Variants in HPSE2 observed in about 807,000 individuals in gnomAD.
HPSE2 encodes the protein inactive heparanase-2.
Under a neutral mutation model 60.5 loss-of-function variants are expected in HPSE2, and 38 were observed. That is an observed-to-expected ratio of 0.63 (90% CI 0.48 to 0.82). HPSE2 has a LOEUF of 0.82. HPSE2 is among the 40% of genes least tolerant of loss of function. The probability of loss-of-function intolerance (pLI) is 0.00; values close to 1 mark genes in which losing one functional copy is unlikely to be tolerated. For synonymous variants in HPSE2, 295 were observed against 293.2 expected, an observed-to-expected ratio of 1.01 and a Z score of -0.06; for missense variants, 713 against 740.4, an observed-to-expected ratio of 0.96 and a Z score of 0.43.
chr10:98,817,131 C>T (rs371360014), intron 3 of HPSE2, among the ~76,000 whole-genome samples: 2 of 152,146 alleles, frequency 1.3e-5, no homozygotes, highest in East Asian at 3.9e-4. Flanking sequence ...TTTGTGCCCA[C>T]AAAGGCTTTT....
At chr10:99,208,932 GATTA>G (rs1402234455) in intron 2 of HPSE2, among the ~76,000 whole-genome samples, 1 of 152,108 alleles carries the variant, frequency 6.6e-6, no homozygotes, top group Non-Finnish European at 1.5e-5. Flanking sequence ...ATGATAAAGG[GATTA>G]ATTAATGAAC....
chr10:98,931,277 G>A lies in HPSE2; in HGVS notation c.611-187221C>T, dbSNP rs139918288. Among the ~76,000 whole-genome samples the A allele has an allele frequency of 9.4e-4, 135 of 143,894 alleles. 17 individuals carry two copies. The highest frequency in any genetic ancestry group is 3.6e-3 in the Middle Eastern group (1 of 278). The allele number at this position is 143,894 out of a possible 152,430, so 94.4% of individuals were successfully genotyped here. ...CAGGTCTGTCAAAGATCAGATAGCTGTAGATGGGCAGTTTTATTTCTAAGT... is the reference window on the plus strand; with the variant it reads ...CAGGTCTGTCAAAGATCAGATAGCTATAGATGGGCAGTTTTATTTCTAAGT... On this transcript the variant is annotated intron_variant, in intron 3 of 11. Coordinates refer to ENST00000370552, the MANE Select transcript of HPSE2 (RefSeq NM_021828.5).
chr10:99,153,968 G>C (rs1440336612), intron 2 of HPSE2, among the ~76,000 whole-genome samples: 1 of 152,146 alleles, frequency 6.6e-6, no homozygotes, highest in Non-Finnish European at 1.5e-5. Context: ...GAAGCCTCAG[G>C]AGCTGATGCG....
intron 9 of HPSE2, among the ~76,000 whole-genome samples, chr10:98,593,340 C>G (rs1314786165): frequency 6.6e-6 from 1 of 152,012 alleles, no homozygotes; most frequent in Non-Finnish European, 1.5e-5. Context: ...CTGGGACTGG[C>G]TCATTGGAAT....
chr10:98,723,512 T>C (rs1468998970), intron 4 of HPSE2, among the ~76,000 whole-genome samples: 2 of 152,182 alleles, frequency 1.3e-5, no homozygotes, highest in African/African-American at 4.8e-5. Flanking sequence ...TCTTTTTCTA[T>C]TGATTGGAAT....
chr10:99,278,108 A>C, the HPSE2 span, among the ~76,000 whole-genome samples: 1 of 129,920 alleles, frequency 7.7e-6, no homozygotes, highest in African/African-American at 2.9e-5. Flanking sequence ...AAAAAAAAAA[A>C]AACTGATATG....
At chr10:99,170,470 T>C (rs1589767794) in intron 2 of HPSE2, among the ~76,000 whole-genome samples, 1 of 152,146 alleles carries the variant, frequency 6.6e-6, no homozygotes, top group South Asian at 2.1e-4. Flanking sequence ...TACAATTGGG[T>C]TGGAGGCTGA....
chr10:98,511,299 T>A (rs533790471), intron 9 of HPSE2, among the ~76,000 whole-genome samples: 1 of 152,052 alleles, frequency 6.6e-6, no homozygotes, highest in Admixed American at 6.6e-5. Flanking sequence ...TACAGACACA[T>A]GCCACCACGT....
intron 3 of HPSE2, among the ~76,000 whole-genome samples, chr10:99,018,032 T>G (rs1350937007): frequency 6.6e-6 from 1 of 152,212 alleles, no homozygotes; most frequent in Non-Finnish European, 1.5e-5. Flanking sequence ...AGAGCTTCCC[T>G]GTCTCTGAAT....
chr10:99,305,961 A>ATACGCGCG, the HPSE2 span, among the ~76,000 whole-genome samples: 48 of 103,048 alleles, frequency 4.7e-4, 4 homozygotes, highest in African/African-American at 7.0e-4. Flanking sequence ...ACTCACACAC[A>ATACGCGCG]CGCGCGCGCG....
intron 3 of HPSE2, among the ~76,000 whole-genome samples, chr10:98,890,833 A>G (rs182204903): frequency 2.0e-5 from 3 of 152,312 alleles, no homozygotes; most frequent in East Asian, 3.9e-4. Flanking sequence ...TGACATGGCT[A>G]TTTTAGTGAC....
intron 5 of HPSE2, among the ~76,000 whole-genome samples, chr10:98,697,429 G>A (rs1484990985): frequency 1.3e-5 from 2 of 152,122 alleles, no homozygotes; most frequent in East Asian, 3.8e-4. Flanking sequence ...CCATCTTGCT[G>A]AAATAAGGCA....
chr10:99,186,949 GT>G (rs1032565960), intron 2 of HPSE2, among the ~76,000 whole-genome samples: 13 of 151,864 alleles, frequency 8.6e-5, no homozygotes, highest in African/African-American at 3.1e-4. Context: ...TGCCCAGCTA[GT>G]TTTTTGTATT....
intron 3 of HPSE2, among the ~76,000 whole-genome samples, chr10:99,119,214 A>G (rs530252331): frequency 6.6e-6 from 1 of 152,254 alleles, no homozygotes; most frequent in African/African-American, 2.4e-5. Context: ...GTCTCATCTA[A>G]AAGCTCCTTA....
intron 3 of HPSE2, among the ~76,000 whole-genome samples, chr10:99,116,257 G>C (rs1326753518): frequency 6.6e-6 from 1 of 150,962 alleles, no homozygotes; most frequent in Non-Finnish European, 1.5e-5. Flanking sequence ...ACCTCACATT[G>C]TGAATCAATA....
At chr10:98,912,817 G>A (rs1389961315) in intron 3 of HPSE2, among the ~76,000 whole-genome samples, 4 of 151,882 alleles carry the variant, frequency 2.6e-5, no homozygotes, top group African/African-American at 7.3e-5. Context: ...AGGTGGGGAT[G>A]GTTAATGGGT....
At chr10:98,465,794 T>C (rs1015205628) in intron 11 of HPSE2, among the ~76,000 whole-genome samples, 16 of 152,248 alleles carry the variant, frequency 1.1e-4, no homozygotes, top group Non-Finnish European at 2.1e-4. Flanking sequence ...GGTTGAACTA[T>C]TTCTCTTAAT....
chr10:98,986,973 G>A (rs7912956), intron 3 of HPSE2, among the ~76,000 whole-genome samples: 115,595 of 152,004 alleles, frequency 0.76, 44,307 homozygotes, highest in East Asian at 0.86. Context: ...CAGACCAATA[G>A]CAGGCTCCGA....
At chr10:99,220,000 G>A (rs1849255310) in intron 2 of HPSE2, among the ~76,000 whole-genome samples, 1 of 152,162 alleles carries the variant, frequency 6.6e-6, no homozygotes, top group African/African-American at 2.4e-5. Flanking sequence ...ATGACACAGT[G>A]ATATACTATT....
Sources: allele counts gnomAD v4.1 joint callset (sites outside exome capture counted in the v4.1 genomes callset), GRCh38; gene constraint gnomAD v4.1.1; transcripts MANE v1.5; gene names NCBI Gene and HGNC (gene_info 2026-07-23, HGNC 2026-07-21).